Variants in PRKG1 observed in about 807,000 individuals in gnomAD.
PRKG1 encodes cGMP-dependent protein kinase 1.
PRKG1 carries 35 observed loss-of-function variants against 88.1 expected under a neutral mutation model. That is an observed-to-expected ratio of 0.40 (90% CI 0.30 to 0.53). The LOEUF is 0.53. PRKG1 is among the 20% of genes least tolerant of loss of function. The pLI is 0.59. For synonymous variants in PRKG1, 303 were observed against 292.5 expected (o/e 1.04, Z -0.37); for missense variants, 540 against 839.8 (o/e 0.64, Z 4.41).
At chr10:52,154,283 G>A (rs534964510) in intron 8 of PRKG1, among the ~76,000 whole-genome samples, 1 of 152,118 alleles carries the variant, frequency 6.6e-6, no homozygotes, top group African/African-American at 2.4e-5. Flanking sequence ...TTTACCAAAT[G>A]TTTCTCACCT....
chr10:52,081,756 C>A (rs1846781649), intron 7 of PRKG1: 2 of 446,860 alleles, frequency 4.5e-6, no homozygotes, highest in South Asian at 1.6e-5. Context: ...GAGGAATTTG[C>A]AATTTTAAGT....
At chr10:52,221,041 T>A (rs557092623) in intron 9 of PRKG1, among the ~76,000 whole-genome samples, 30 of 151,522 alleles carry the variant, frequency 2.0e-4, no homozygotes, top group African/African-American at 7.0e-4. Flanking sequence ...TTCCTGTTTC[T>A]CCACAACCCC....
intron 2 of PRKG1, among the ~76,000 whole-genome samples, chr10:51,412,662 C>A (rs1192320363): frequency 6.6e-6 from 1 of 151,974 alleles, no homozygotes; most frequent in African/African-American, 2.4e-5. Context: ...AATATATAAA[C>A]AAATAAAATG....
rs141057872 is a variant in PRKG1 at position 52,099,296 on chromosome 10, C to T, written c.936-34544C>T. Among the ~76,000 whole-genome samples, 449 of 152,136 alleles carry T rather than the reference C, an allele frequency of 3.0e-3. 5 individuals carry two copies. The highest frequency in any genetic ancestry group is 0.01 in the African/African-American group (418 of 41,504). On this transcript the variant is annotated intron_variant, in intron 7 of 17. Transcript: ENST00000373980. ...GAAAATGGTAGAACATTTAAAAAAA[C>T]GCTTAAACACTGCTCTTCCAAAGTG...
At chr10:51,592,108 G>T (rs1438710286) in intron 3 of PRKG1, among the ~76,000 whole-genome samples, 1 of 152,168 alleles carries the variant, frequency 6.6e-6, no homozygotes, top group South Asian at 2.1e-4. Flanking sequence ...TCTGGGGAAA[G>T]AACTCAAACT....
intron 3 of PRKG1, among the ~76,000 whole-genome samples, chr10:51,633,929 C>T (rs892059750): frequency 6.6e-6 from 1 of 152,052 alleles, no homozygotes; most frequent in African/African-American, 2.4e-5. Flanking sequence ...TCTTTGCTAA[C>T]CAGGGTAATA....
At chr10:51,996,724 G>T (rs539799699) in intron 5 of PRKG1, among the ~76,000 whole-genome samples, 1 of 152,058 alleles carries the variant, frequency 6.6e-6, no homozygotes, top group Admixed American at 6.5e-5. Flanking sequence ...AAAAAGTATG[G>T]AAGTTCCTCA....
chr10:51,036,490 G>A (rs184735249), intron 1 of PRKG1, among the ~76,000 whole-genome samples: 52 of 152,234 alleles, frequency 3.4e-4, no homozygotes, highest in Middle Eastern at 3.4e-3. Context: ...AGGGAATCGA[G>A]GAGTGATCTG....
chr10:51,367,300 G>A (rs1842610917), intron 2 of PRKG1, among the ~76,000 whole-genome samples: 1 of 151,954 alleles, frequency 6.6e-6, no homozygotes, highest in South Asian at 2.1e-4. Flanking sequence ...TCCAAAAAGA[G>A]CAAGAGAGTG....
intron 1 of PRKG1, among the ~76,000 whole-genome samples, chr10:51,048,672 T>C (rs1306459217): frequency 6.6e-6 from 1 of 152,114 alleles, no homozygotes; most frequent in Non-Finnish European, 1.5e-5. Context: ...CTAAAAGCAT[T>C]AGTATTCAAT....
chr10:51,520,235 G>T (rs369803142), intron 3 of PRKG1, among the ~76,000 whole-genome samples: 1 of 148,470 alleles, frequency 6.7e-6, no homozygotes. Context: ...TGTATATTGT[G>T]TATATACATA....
chr10:51,994,757 C>T (rs372917844), intron 5 of PRKG1, among the ~76,000 whole-genome samples: 1 of 152,068 alleles, frequency 6.6e-6, no homozygotes, highest in African/African-American at 2.4e-5. Context: ...GCCTGCTGAG[C>T]TTTTTTAATC....
At chr10:52,010,152 A>G (rs1844843865) in intron 5 of PRKG1, among the ~76,000 whole-genome samples, 1 of 152,100 alleles carries the variant, frequency 6.6e-6, no homozygotes, top group Non-Finnish European at 1.5e-5. Flanking sequence ...GCAATTGCAA[A>G]AAAATCAAAA....
intron 5 of PRKG1, among the ~76,000 whole-genome samples, chr10:51,913,507 A>G (rs529076978): frequency 6.6e-6 from 1 of 152,322 alleles, no homozygotes; most frequent in East Asian, 1.9e-4. Context: ...ATAACATACT[A>G]GAACAATTTC....
chr10:51,660,804 G>T (rs1300145757), intron 3 of PRKG1, among the ~76,000 whole-genome samples: 2 of 152,004 alleles, frequency 1.3e-5, no homozygotes, highest in Non-Finnish European at 2.9e-5. Context: ...TGGGTAAAAA[G>T]GGTTGCATGC....
intron 9 of PRKG1, among the ~76,000 whole-genome samples, chr10:52,176,173 C>CTTTTTTTT (rs140722137): frequency 1.7e-3 from 162 of 95,648 alleles, no homozygotes; most frequent in African/African-American, 2.2e-3. Context: ...TTCTTTTTCT[C>CTTTTTTTT]TTTTTTTTTT....
intron 3 of PRKG1, among the ~76,000 whole-genome samples, chr10:51,720,217 A>G (rs976121508): frequency 6.6e-6 from 1 of 152,118 alleles, no homozygotes; most frequent in Non-Finnish European, 1.5e-5. Context: ...ATTCTGACCT[A>G]CAGGACCTTC....
chr10:51,516,750 T>G (rs540686845), intron 3 of PRKG1, among the ~76,000 whole-genome samples: 1 of 152,338 alleles, frequency 6.6e-6, no homozygotes, highest in South Asian at 2.1e-4. Context: ...TGTGACAATT[T>G]TTTCAACAAA....
chr10:51,351,114 T>C (rs1176983152), intron 2 of PRKG1, among the ~76,000 whole-genome samples: 2 of 152,194 alleles, frequency 1.3e-5, no homozygotes, highest in African/African-American at 4.8e-5. Context: ...CTGCATAGTA[T>C]TCCATGGTAT....
Sources: allele counts gnomAD v4.1 joint callset (sites outside exome capture counted in the v4.1 genomes callset), GRCh38; gene constraint gnomAD v4.1.1; transcripts MANE v1.5; gene names NCBI Gene and HGNC (gene_info 2026-07-23, HGNC 2026-07-21).